NDNF: variants seen among roughly 807,000 people sequenced by gnomAD.
NDNF encodes protein NDNF.
Under a neutral mutation model 42.0 loss-of-function variants are expected in NDNF, and 16 were observed. The observed-to-expected ratio is 0.38, with a 90% CI of 0.26 to 0.58. NDNF has a LOEUF of 0.58. NDNF is among the 20% of genes least tolerant of loss of function. The pLI is 0.67. For missense variants in NDNF, 616 were observed against 666.2 expected (o/e 0.92, Z 0.83); for synonymous variants, 248 against 251.7 (o/e 0.99, Z 0.14).
intron 1 of NDNF, among the ~76,000 whole-genome samples, chr4:121,057,226 CT>C (rs1207507994): frequency 6.6e-6 from 1 of 152,070 alleles, no homozygotes; most frequent in East Asian, 1.9e-4. Flanking sequence ...AGGGGCCCTT[CT>C]AGGCTAAGTA....
At chr4:121,038,561 C>G (rs1254539384) in intron 3 of NDNF, among the ~76,000 whole-genome samples, 1 of 152,066 alleles carries the variant, frequency 6.6e-6, no homozygotes, top group African/African-American at 2.4e-5. Context: ...GTCTCCAGGG[C>G]TTGGTGAATG....
chr4:121,044,976 C>T (rs1727062493), intron 2 of NDNF, among the ~76,000 whole-genome samples: 1 of 152,202 alleles, frequency 6.6e-6, no homozygotes, highest in Non-Finnish European at 1.5e-5. Context: ...AGAAACAAAA[C>T]TTAATGCAAA....
At chr4:121,060,418 A>G (rs1197330738) in intron 1 of NDNF, among the ~76,000 whole-genome samples, 1 of 152,062 alleles carries the variant, frequency 6.6e-6, no homozygotes, top group African/African-American at 2.4e-5. Flanking sequence ...TGGCTTCAAG[A>G]GATCCTCCTG....
At chr4:121,045,944 G>A in intron 1 of NDNF, 106 bp from the exon 2 acceptor site, 1 of 1,032,774 alleles carries the variant, frequency 9.7e-7, no homozygotes. Flanking sequence ...TGGAAATTTA[G>A]GGACGCATCA....
chr4:121,049,912 T>C (rs915948571), intron 1 of NDNF, among the ~76,000 whole-genome samples: 2 of 152,334 alleles, frequency 1.3e-5, no homozygotes, highest in African/African-American at 4.8e-5. Flanking sequence ...CACAGGAATT[T>C]ATACTCTGTC....
In NDNF at chr4:121,037,412, G is replaced by A. The variant is rs747607712; in HGVS notation, c.559C>T (p.Leu187=). The A allele has an allele frequency of 1.2e-6, 2 of 1,614,160 alleles. No individual in the cohort carries two copies. Among genetic ancestry groups the A allele is most frequent in the Admixed American group, 1.7e-5 (1 of 60,006 alleles). ...PYDPRVDVTS[L]GRTTVTLAWK... is the part of the protein sequence containing the mutation. ...GCCAAAGTGACCGTGGTGCGCCCCAGTGAGGTCACATCTACTCTTGGGTCA... is the reference window on the plus strand; with the variant it reads ...GCCAAAGTGACCGTGGTGCGCCCCAATGAGGTCACATCTACTCTTGGGTCA... The change falls in exon 4 of 4, where the codon CTG becomes TTG. Residue 187 remains leucine (L), a synonymous_variant. Coordinates refer to ENST00000379692, the MANE Select transcript of NDNF (RefSeq NM_024574.4).
At position 121,037,336 on chromosome 4, in the gene NDNF, C is replaced by T. The variant is rs370140240; in HGVS notation, c.635G>A (p.Cys212Tyr). 3.7e-6 allele frequency: 6 copies of T among 1,613,976 alleles called. No homozygotes were observed. The African/African-American group carries it at 6.7e-5, about 18-fold the overall frequency. Reference sequence around the variant, plus strand: ...ATTGTGCTCTTTGTTGATGACCACACAGTACTGAATGGGTTGTTTCAGCAA... The same window carrying T: ...ATTGTGCTCTTTGTTGATGACCACATAGTACTGAATGGGTTGTTTCAGCAA... ...ASLLKQPIQY[C>Y]VVINKEHNFK... is the part of the protein sequence containing the mutation. Residue 212 changes from cysteine (C) to tyrosine (Y), a missense_variant, in exon 4 of 4, where the codon TGT (cysteine) becomes TAT (tyrosine). By Grantham distance (194) the Cys-to-Tyr change is radical (BLOSUM62 -2). Coordinates refer to ENST00000379692, the MANE Select transcript of NDNF (RefSeq NM_024574.4).
Position 121,037,184 on chromosome 4 carries a change from C to A in NDNF, c.787G>T (p.Gly263Cys), listed in dbSNP as rs746411172. 6.2e-7 allele frequency: 1 copy of A among 1,614,022 alleles called. No homozygotes were observed. The highest frequency in any genetic ancestry group is 8.5e-7 in the Non-Finnish European group (1 of 1,180,012). ...AHFGFPSDNS[G>C]KERSFQAKPS... ...TTTGCCTGGAAACTGCGTTCTTTACCTGAATTATCAGAAGGAAATCCAAAG... is the reference window on the plus strand; with the variant it reads ...TTTGCCTGGAAACTGCGTTCTTTACATGAATTATCAGAAGGAAATCCAAAG... Residue 263 changes from glycine to cysteine, a missense_variant, in exon 4 of 4, where the codon GGT (glycine) becomes TGT (cysteine). Coordinates refer to ENST00000379692, the MANE Select transcript of NDNF (RefSeq NM_024574.4).
intron 3 of NDNF, chr4:121,038,976 C>T (rs1339085246): frequency 7.2e-6 from 1 of 139,562 alleles, no homozygotes; most frequent in Non-Finnish European, 1.5e-5. Flanking sequence ...GAGCAAGACC[C>T]TGTCCTGAAA....
intron 1 of NDNF, among the ~76,000 whole-genome samples, chr4:121,049,006 G>A (rs1466542897): frequency 6.6e-6 from 1 of 152,124 alleles, no homozygotes; most frequent in African/African-American, 2.4e-5. Context: ...TGATCAAAGT[G>A]AGACTTAGAT....
At chr4:121,053,038 A>G (rs553590796) in intron 1 of NDNF, among the ~76,000 whole-genome samples, 1 of 152,292 alleles carries the variant, frequency 6.6e-6, no homozygotes, top group South Asian at 2.1e-4. Flanking sequence ...AATGAAGTAG[A>G]GCCGACATTA....
intron 1 of NDNF, among the ~76,000 whole-genome samples, chr4:121,064,986 T>C (rs56145407): frequency 0.028 from 4,301 of 152,238 alleles, 117 homozygotes; most frequent in East Asian, 0.12. Context: ...CCGCAGGGGC[T>C]ATTCACAAGG....
At chr4:121,043,799 A>G (rs949206575) in intron 2 of NDNF, among the ~76,000 whole-genome samples, 14 of 152,314 alleles carry the variant, frequency 9.2e-5, no homozygotes, top group Middle Eastern at 3.4e-3. Flanking sequence ...TCTACAGAAA[A>G]ATTTTGATTT....
At chr4:121,059,292 T>C (rs1727359106) in intron 1 of NDNF, among the ~76,000 whole-genome samples, 1 of 152,222 alleles carries the variant, frequency 6.6e-6, no homozygotes, top group Non-Finnish European at 1.5e-5. Flanking sequence ...ATTAAGTAGA[T>C]ACTCATGACA....
chr4:121,040,119 C>A, intron 2 of NDNF, 65 bp from the exon 3 acceptor site: 3 of 1,462,052 alleles, frequency 2.1e-6, no homozygotes, highest in South Asian at 1.4e-5. Flanking sequence ...CAAGACTTAC[C>A]AGAAAAATCA....
Position 121,049,187 on chromosome 4 carries a change from G to A in NDNF, c.-1-3349C>T, listed in dbSNP as rs1727147413. Among the ~76,000 whole-genome samples the A allele has an allele frequency of 2.0e-5, 3 of 152,284 alleles. No individual in the cohort carries two copies. The South Asian group carries it at 6.2e-4, about 32-fold the overall frequency. ...TAGGATTATGCAGAGTAAGTGTTGGGAGGCAATTCTCCATGGGTCTCTGTG... is the reference window on the plus strand; with the variant it reads ...TAGGATTATGCAGAGTAAGTGTTGGAAGGCAATTCTCCATGGGTCTCTGTG... On this transcript the variant is annotated intron_variant, in intron 1 of 3. Coordinates refer to ENST00000379692, the MANE Select transcript of NDNF (RefSeq NM_024574.4).
At chr4:121,054,714 A>G (rs1727254611) in intron 1 of NDNF, among the ~76,000 whole-genome samples, 1 of 152,252 alleles carries the variant, frequency 6.6e-6, no homozygotes, top group African/African-American at 2.4e-5. Context: ...AAAGGAAAGG[A>G]CATCACTGTG....
intron 1 of NDNF, among the ~76,000 whole-genome samples, chr4:121,050,622 CAACCCA>C (rs1357842120): frequency 6.6e-6 from 1 of 152,130 alleles, no homozygotes; most frequent in African/African-American, 2.4e-5. Flanking sequence ...ACAGTATCCA[CAACCCA>C]AAAGAACTTG....
intron 1 of NDNF, among the ~76,000 whole-genome samples, chr4:121,057,082 A>G (rs536692565): frequency 6.6e-6 from 1 of 152,214 alleles, no homozygotes; most frequent in African/African-American, 2.4e-5. Context: ...GCTTATACTC[A>G]GTGGATAAGA....
Sources: allele counts gnomAD v4.1 joint callset (sites outside exome capture counted in the v4.1 genomes callset), GRCh38; gene constraint gnomAD v4.1.1; transcripts MANE v1.5; gene names NCBI Gene and HGNC (gene_info 2026-07-23, HGNC 2026-07-21).